The following ST8SIA5 variants were observed in gnomAD, a reference collection of about 807,000 sequenced individuals.
The protein encoded by ST8SIA5 is ST8 alpha-N-acetyl-neuraminide alpha-2,8-sialyltransferase 5.
ST8SIA5 carries 24 observed loss-of-function variants against 40.2 expected under a neutral mutation model. The observed-to-expected ratio is 0.60, with a 90% CI of 0.43 to 0.84. The LOEUF (loss-of-function observed/expected upper bound fraction) is 0.84, where lower values mean the gene tolerates loss of function less well. Ranked by LOEUF, ST8SIA5 falls within the 40% of genes least tolerant of loss-of-function variation. ST8SIA5 has a pLI of 0.00. For missense variants in ST8SIA5, 465 were observed against 498.5 expected (o/e 0.93, Z 0.64); for synonymous variants, 198 against 201.8 (o/e 0.98, Z 0.16).
At position 46,756,545 on chromosome 18, in the gene ST8SIA5, C is replaced by T. The variant is rs1273069334; in HGVS notation, c.-37G>A. 1.2e-6 allele frequency: 2 copies of T among 1,608,306 alleles called. No homozygotes were observed. Among genetic ancestry groups the T allele is most frequent in the African/African-American group, 1.3e-5 (1 of 74,402 alleles). ...GGCGCCGCGGGCGCGGGGTACGGGG[C>T]GGCCAGGCAATGACTCGCGGGGTTC... On this transcript the variant is annotated 5_prime_UTR_variant, in exon 1 of 7. Coordinates refer to ENST00000315087, the MANE Select transcript of ST8SIA5 (RefSeq NM_013305.6).
intron 1 of ST8SIA5, among the ~76,000 whole-genome samples, chr18:46,754,245 T>G (rs916273708): frequency 1.3e-5 from 2 of 152,034 alleles, no homozygotes; most frequent in Non-Finnish European, 2.9e-5. Context: ...GTGACACACT[T>G]GCATCTCTGC....
intron 1 of ST8SIA5, among the ~76,000 whole-genome samples, chr18:46,724,265 G>A (rs1324356432): frequency 6.6e-6 from 1 of 152,264 alleles, no homozygotes; most frequent in African/African-American, 2.4e-5. Flanking sequence ...GGGCTGAGGA[G>A]GCCCCTTGGG....
intron 1 of ST8SIA5, among the ~76,000 whole-genome samples, chr18:46,745,055 C>T (rs1335886412): frequency 1.3e-5 from 2 of 152,202 alleles, no homozygotes; most frequent in Admixed American, 1.3e-4. Flanking sequence ...CTCTGGGACA[C>T]ATTTAAAGCA....
rs181306947 is a variant in ST8SIA5 at position 46,724,043 on chromosome 18, A to G, written c.132-19379T>C. On this transcript the variant is annotated intron_variant, in intron 1 of 6. Coordinates refer to ENST00000315087, the MANE Select transcript of ST8SIA5 (RefSeq NM_013305.6). The stretch of plus-strand genomic sequence containing the variant: ...ACTGGAGCTGGGAACTGATCCATCC[A>G]TATCTCCACTAATAGGCTGAGTACC... Among the ~76,000 whole-genome samples the G allele has an allele frequency of 3.8e-3, 579 of 152,358 alleles. 5 individuals are homozygous for G. Among genetic ancestry groups the G allele is most frequent in the African/African-American group, 0.013 (531 of 41,576 alleles).
At chr18:46,750,894 G>A (rs1257052176) in intron 1 of ST8SIA5, among the ~76,000 whole-genome samples, 1 of 152,096 alleles carries the variant, frequency 6.6e-6, no homozygotes, top group Non-Finnish European at 1.5e-5. Flanking sequence ...TTCTAACTGA[G>A]GGTTTCAACC....
At chr18:46,718,163 T>C (rs1382936643) in intron 1 of ST8SIA5, among the ~76,000 whole-genome samples, 1 of 152,058 alleles carries the variant, frequency 6.6e-6, no homozygotes, top group Non-Finnish European at 1.5e-5. Flanking sequence ...ACCCCGTCTC[T>C]ACTAAAAATT....
chr18:46,749,799 C>T (rs546366938), intron 1 of ST8SIA5, among the ~76,000 whole-genome samples: 4 of 152,220 alleles, frequency 2.6e-5, no homozygotes, highest in Admixed American at 6.5e-5. Flanking sequence ...ATGTTGAAAT[C>T]GAATCCCAAG....
At chr18:46,708,185 AG>A (rs1051618360) in intron 1 of ST8SIA5, among the ~76,000 whole-genome samples, 4 of 152,180 alleles carry the variant, frequency 2.6e-5, no homozygotes, top group African/African-American at 9.7e-5. Context: ...TGGATGCCCC[AG>A]GAAGTCCCAG....
intron 1 of ST8SIA5, among the ~76,000 whole-genome samples, chr18:46,705,635 C>T (rs1431152704): frequency 6.6e-6 from 1 of 152,238 alleles, no homozygotes; most frequent in Non-Finnish European, 1.5e-5. Flanking sequence ...CCTCTGGCCT[C>T]CTGTGGCAGA....
At chr18:46,738,597 A>C (rs1568277443) in intron 1 of ST8SIA5, among the ~76,000 whole-genome samples, 1 of 152,188 alleles carries the variant, frequency 6.6e-6, no homozygotes, top group Non-Finnish European at 1.5e-5. Context: ...CTGACCAGCG[A>C]AACTGTAAAG....
chr18:46,723,063 A>G (rs1428245817), intron 1 of ST8SIA5: 1 of 152,914 alleles, frequency 6.5e-6, no homozygotes, highest in Non-Finnish European at 1.5e-5. Flanking sequence ...CCATGGGTCC[A>G]TGCAAAACGA....
rs1391320241 is a variant in ST8SIA5, at chr18:46,674,920, T to G, written c.*5122A>C. On this transcript the variant is annotated 3_prime_UTR_variant, in exon 7 of 7. Coordinates refer to ENST00000315087, the MANE Select transcript of ST8SIA5 (RefSeq NM_013305.6). ...AATAGTATGGGATAGGGCAGGGAGGTGGCAGGAGGATCTCTGGGAAGGTGA... is the reference window on the plus strand; with the variant it reads ...AATAGTATGGGATAGGGCAGGGAGGGGGCAGGAGGATCTCTGGGAAGGTGA... The G allele has an allele frequency of 6.6e-6, 1 of 151,748 alleles. No homozygotes were observed. The highest frequency in any genetic ancestry group is 1.5e-5 in the Non-Finnish European group (1 of 67,998). The allele number at this position is 151,748 out of a possible 1,614,324, so 9.4% of individuals were successfully genotyped here.
chr18:46,682,367 G>A (rs1297018934), intron 5 of ST8SIA5, among the ~76,000 whole-genome samples: 5 of 152,192 alleles, frequency 3.3e-5, no homozygotes, highest in Non-Finnish European at 7.3e-5. Flanking sequence ...ATGGCTCTTA[G>A]AGGACAGGTG....
intron 1 of ST8SIA5, among the ~76,000 whole-genome samples, chr18:46,725,297 C>T (rs1276714883): frequency 6.6e-6 from 1 of 152,146 alleles, no homozygotes; most frequent in African/African-American, 2.4e-5. Flanking sequence ...CATATCAAAT[C>T]AATGTCCAGC....
intron 5 of ST8SIA5, 112 bp downstream of exon 5, chr18:46,686,062 G>T: frequency 1.0e-6 from 1 of 974,820 alleles, no homozygotes; most frequent in Non-Finnish European, 1.6e-6. Flanking sequence ...GGGTCTGCAG[G>T]GGTGGGAAGT....
In ST8SIA5 at chr18:46,680,470, C is replaced by A. The variant is rs371266233; in HGVS notation, c.703G>T (p.Val235Leu). 1 of 1,598,646 alleles carries A rather than the reference C, an allele frequency of 6.3e-7. No homozygotes were observed. The highest frequency in any genetic ancestry group is 1.1e-5 in the South Asian group (1 of 89,608). The change falls in exon 7 of 7, where the codon GTG becomes TTG. Residue 235 changes from valine to leucine, a missense_variant. By Grantham distance (32) the Val-to-Leu change is conservative (BLOSUM62 1). Transcript: ENST00000315087. ...LEKWRRPFYR[V>L]LQVYENASVL... ...GACGCGTTCTCGTACACCTGCAGCA[C>A]GCGATAGAACGGCCGCCGCCACTTC...
chr18:46,732,995 G>A (rs955177119), intron 1 of ST8SIA5, among the ~76,000 whole-genome samples: 1 of 152,152 alleles, frequency 6.6e-6, no homozygotes, highest in Non-Finnish European at 1.5e-5. Flanking sequence ...CAGGACCTCA[G>A]AAAGGGGCAG....
chr18:46,751,236 C>T (rs11664294), intron 1 of ST8SIA5, among the ~76,000 whole-genome samples: 4,931 of 152,228 alleles, frequency 0.032, 104 homozygotes, highest in South Asian at 0.059. Flanking sequence ...AGTATTTGTC[C>T]TCTTGTGCCT....
chr18:46,710,413 T>TTCTTTTCTTTCTG (rs2039717292), intron 1 of ST8SIA5, among the ~76,000 whole-genome samples: 3 of 127,506 alleles, frequency 2.4e-5, no homozygotes, highest in African/African-American at 9.3e-5. Flanking sequence ...CTTTCTTTCT[T>TTCTTTTCTTTCTG]TCTTTTTCTT....
Sources: gnomAD v4.1 joint callset for allele counts (sites outside exome capture counted in the v4.1 genomes callset) on GRCh38, gnomAD v4.1.1 for gene constraint, MANE v1.5 for transcripts, NCBI Gene and HGNC (gene_info 2026-07-23, HGNC 2026-07-21) for gene names.